Variants in FGFR4 observed in about 807,000 individuals in gnomAD.
FGFR4 encodes hydroxyaryl-protein kinase.
A neutral mutation model predicts 89.9 loss-of-function variants in FGFR4; 63 were observed. The observed-to-expected ratio is 0.70, with a 90% confidence interval of 0.57 to 0.86. FGFR4 has a LOEUF of 0.86. Among genes scored for constraint, FGFR4 ranks in the 40% least tolerant of loss-of-function variants. The pLI, the probability that FGFR4 is intolerant of heterozygous loss-of-function variation, is 0.00. For missense variants in FGFR4, 928 were observed against 1,106.7 expected (o/e 0.84, Z 2.29); for synonymous variants, 486 against 479.4 (o/e 1.01, Z -0.18).
Position 177,087,456 on chromosome 5 carries a change from C to T in FGFR4, c.-54+379C>T. ...CGGCAGAGATGAGGGACCTGAGGCC[C>T]CGAAAAGTTCAGTCACTTAGTGCCC... On this transcript the variant is annotated intron_variant, in intron 1 of 17. Transcript: ENST00000292408. This position sits in a 1 kb window ranked among gnomAD's most constrained non-coding sequence, Gnocchi z 6.1. 4.6e-6 allele frequency: 2 copies of T among 430,556 alleles called. No homozygotes were observed. The highest frequency in any genetic ancestry group is 6.2e-6 in the Non-Finnish European group (2 of 323,284). 26.7% of individuals were successfully genotyped at this position (430,556 alleles called of 1,614,324 possible). A position where few individuals can be genotyped will look rare whatever the true frequency, so the allele number is the denominator to read the frequency against.
At chr5:177,096,229 G>T (rs769369271) in intron 14 of FGFR4, 50 bp downstream of exon 14, 1 of 1,613,134 alleles carries the variant, frequency 6.2e-7, no homozygotes, top group South Asian at 1.1e-5. Context: ...CACTGGGCCC[G>T]GGGTGGCAGG....
In FGFR4 at chr5:177,095,671, TCTC is replaced by T; in HGVS notation, c.1772_1774del (p.Ser591del). 1 of 1,609,286 alleles carries T rather than the reference TCTC, an allele frequency of 6.2e-7. No individual in the cohort carries two copies. Among genetic ancestry groups the T allele is most frequent in the Non-Finnish European group, 8.5e-7 (1 of 1,178,972 alleles). On this transcript the variant is annotated inframe_deletion, in exon 13 of 18. Transcript: ENST00000292408. This position sits in a 1 kb window ranked among gnomAD's most constrained non-coding sequence, Gnocchi z 5.7. The stretch of plus-strand genomic sequence containing the variant: ...GGGCCGCTCTCCTTCCCAGTCCTGG[TCTC>T]CTGCGCCTACCAGGTGGCCCGAGGC...
At chr5:177,092,536 C>T in intron 7 of FGFR4, 25 bp downstream of exon 7, 4 of 1,563,646 alleles carry the variant, frequency 2.6e-6, no homozygotes, top group Non-Finnish European at 3.5e-6. Flanking sequence ...CTGCTGCAGC[C>T]TGGGCCCCAT....
chr5:177,093,147 C>A lies in FGFR4; in HGVS notation c.1067C>A (p.Pro356His). The A allele has an allele frequency of 6.2e-7, 1 of 1,614,100 alleles. No homozygotes were observed. Among genetic ancestry groups the A allele is most frequent in the Non-Finnish European group, 8.5e-7 (1 of 1,180,018 alleles). The stretch of plus-strand genomic sequence containing the variant: ...CCATGTGCGAGGGCAGAGGAGGACC[C>A]CACATGGACCGCAGCAGCGCCCGAG... Reference protein sequence around the residue: ...AWLTVLPEEDPTWTAAAPEAR... With the variant: ...AWLTVLPEEDHTWTAAAPEAR... The change falls in exon 9 of 18, where the codon CCC (proline) becomes CAC (histidine). Residue 356 changes from proline to histidine, a missense_variant. Transcript: ENST00000292408. The surrounding 1 kb of genome is among the most constrained non-coding windows in gnomAD (Gnocchi z 5.8).
Position 177,096,641 on chromosome 5 carries a change from C to T in FGFR4, c.2053C>T (p.Leu685Phe), listed in dbSNP as rs1274753663. The change falls in exon 16 of 18, where the codon CTC becomes TTC. Residue 685 changes from leucine (L) to phenylalanine (F), a missense_variant. By Grantham distance (22) the Leu-to-Phe change is conservative. This residue lies in a region of FGFR4 where 27 missense variants were observed against 64.4 expected (regional missense o/e 0.42). Transcript: ENST00000292408. ...FGILLWEIFT[L>F]GGSPYPGIPV... ...GATCCTGCTATGGGAGATCTTCACC[C>T]TCGGGGGCTCCCCGTATCCTGGCAT... The T allele has an allele frequency of 1.2e-6, 2 of 1,613,420 alleles. No homozygotes were observed. The highest frequency in any genetic ancestry group is 1.7e-4 in the Middle Eastern group (1 of 6,058).
chr5:177,094,081 T>C (rs1472915937), intron 11 of FGFR4, among the ~76,000 whole-genome samples: 1 of 151,672 alleles, frequency 6.6e-6, no homozygotes, highest in African/African-American at 2.4e-5. Context: ...AAAAAATAAA[T>C]AAATAAATAA....
rs979979470 is a variant in FGFR4, at chr5:177,089,684, G to C, written c.82G>C (p.Val28Leu). The change falls in exon 2 of 18, where the codon GTG becomes CTG. Residue 28 changes from valine (V) to leucine (L), a missense_variant. By Grantham distance (32) the Val-to-Leu change is conservative. This residue lies in a region of FGFR4 where 741 missense variants were observed against 836.9 expected (regional missense o/e 0.89). Coordinates refer to ENST00000292408, the MANE Select transcript of FGFR4 (RefSeq NM_213647.3). ...PVLSLEASEE[V>L]ELEPCLAPSL... ...CTTGTCCCTGGAGGCCTCTGAGGAA[G>C]TGGAGCTTGGTATGGCTTCTGAGGT... 3.1e-6 allele frequency: 5 copies of C among 1,613,790 alleles called. No individual in the cohort carries two copies. Among genetic ancestry groups the C allele is most frequent in the Non-Finnish European group, 4.2e-6 (5 of 1,179,950 alleles).
intron 1 of FGFR4, 100 bp from the exon 2 acceptor site, chr5:177,089,450 G>A (rs942193609): frequency 2.2e-5 from 30 of 1,350,258 alleles, no homozygotes; most frequent in East Asian, 2.0e-4. Context: ...GGACACATCT[G>A]CTGGCCACTT....
chr5:177,087,386 G>C lies in FGFR4; in HGVS notation c.-54+309G>C, dbSNP rs1784189746. 6.4e-6 allele frequency: 1 copy of C among 157,052 alleles called. No homozygotes were observed. Among genetic ancestry groups the C allele is most frequent in the Admixed American group, 6.5e-5 (1 of 15,296 alleles). 9.7% of individuals were successfully genotyped at this position (157,052 alleles called of 1,614,324 possible). On this transcript the variant is annotated intron_variant, in intron 1 of 17. Coordinates refer to ENST00000292408, the MANE Select transcript of FGFR4 (RefSeq NM_213647.3). This position sits in a 1 kb window ranked among gnomAD's most constrained non-coding sequence, Gnocchi z 6.1. ...CCCCCCAGGCTGGCCCGGCAAGGGT[G>C]GGGGAGGACAAGCGCGCTTGTCCCT...
rs1019001200 is a variant in FGFR4 at position 177,095,979 on chromosome 5, C to T, written c.1822-78C>T. The T allele has an allele frequency of 6.5e-7, 1 of 1,543,102 alleles. No individual in the cohort carries two copies. Among genetic ancestry groups the T allele is most frequent in the Non-Finnish European group, 8.7e-7 (1 of 1,145,076 alleles). On this transcript the variant is annotated intron_variant, in intron 13 of 17. Transcript: ENST00000292408. This position sits in a 1 kb window ranked among gnomAD's most constrained non-coding sequence, Gnocchi z 5.7. ...GTAAAGTGGGTGGAGGGCCCCTGCC[C>T]CCGGGCCTGCTGGGGGGTGGTGTGT...
At position 177,097,335 on chromosome 5, in the gene FGFR4, A is replaced by C. The variant is rs1418031480; in HGVS notation, c.2197A>C (p.Arg733=). ...GTGCTGGCACGCAGCGCCCTCCCAG[A>C]GGCCTACCTTCAAGCAGCTGGTGGA... ...RECWHAAPSQ[R]PTFKQLVEAL... Residue 733 remains arginine (R), a synonymous_variant, in exon 17 of 18, where the codon AGG becomes CGG. Transcript: ENST00000292408. The C allele has an allele frequency of 6.2e-7, 1 of 1,611,530 alleles. No individual in the cohort carries two copies. Among genetic ancestry groups the C allele is most frequent in the Non-Finnish European group, 8.5e-7 (1 of 1,179,236 alleles).
rs1289445624 is a variant in FGFR4, at chr5:177,091,709, G to A, written c.628G>A (p.Val210Met). The A allele has an allele frequency of 6.2e-6, 10 of 1,614,092 alleles. No homozygotes were observed. The highest frequency in any genetic ancestry group is 1.6e-4 in the Middle Eastern group (1 of 6,082). Residue 210 changes from valine (V) to methionine (M), a missense_variant, in exon 6 of 18, where the codon GTG (valine) becomes ATG (methionine). Physicochemically the swap from Val to Met is conservative, Grantham distance 21 (BLOSUM62 1). Coordinates refer to ENST00000292408, the MANE Select transcript of FGFR4 (RefSeq NM_213647.3). ...IRLRHQHWSL[V>M]MESVVPSDRG... ...GCTGCGCCATCAGCACTGGAGTCTC[G>A]TGATGGAGAGCGTGGTGCCCTCGGA... is the stretch of plus-strand genomic sequence containing the variant.
At position 177,093,200 on chromosome 5, in the gene FGFR4, GC is replaced by G; in HGVS notation, c.1121del (p.Ala374GlyfsTer77). Reference protein sequence around the residue: ...EARYTDIILYASGSLALAVLL... With the variant: ...EARYTDIILYXSGSLALAVLL... Reference sequence around the variant, plus strand: ...CAGGTATACGGACATCATCCTGTACGCGTCGGGCTCCCTGGCCTTGGCTGTG... The same window carrying G: ...CAGGTATACGGACATCATCCTGTACGGTCGGGCTCCCTGGCCTTGGCTGTG... On this transcript the variant is annotated frameshift_variant, in exon 9 of 18. Transcript: ENST00000292408. LOFTEE classifies it high-confidence loss of function. The surrounding 1 kb of genome is among the most constrained non-coding windows in gnomAD (Gnocchi z 5.8). 1 of 1,613,042 alleles carries G rather than the reference GC, an allele frequency of 6.2e-7. No individual in the cohort carries two copies. The highest frequency in any genetic ancestry group is 8.5e-7 in the Non-Finnish European group (1 of 1,179,138).
intron 6 of FGFR4, 36 bp from the exon 7 acceptor site, chr5:177,092,285 C>A (rs768292586): frequency 6.6e-7 from 1 of 1,508,600 alleles, no homozygotes; most frequent in Admixed American, 2.2e-5. Flanking sequence ...CTATGGGTGC[C>A]GGTGGTCAGG....
At chr5:177,091,207 C>T (rs1784357165) in intron 5 of FGFR4, 103 bp downstream of exon 5, 3 of 1,413,722 alleles carry the variant, frequency 2.1e-6, no homozygotes, top group East Asian at 2.5e-5. Flanking sequence ...ATGAGTGAAG[C>T]GATTGCGGGG....
rs375070337 is a variant in FGFR4 at position 177,093,498 on chromosome 5, C to G, written c.1344C>G (p.Gly448=). 1.3e-5 allele frequency: 21 copies of G among 1,613,838 alleles called. No homozygotes were observed. The Middle Eastern group carries it at 4.9e-4, about 38-fold the overall frequency. Residue 448 remains glycine (G), a synonymous_variant, in exon 10 of 18, where the codon GGC becomes GGG. Coordinates refer to ENST00000292408, the MANE Select transcript of FGFR4 (RefSeq NM_213647.3). The surrounding 1 kb of genome is among the most constrained non-coding windows in gnomAD (Gnocchi z 5.8). ...CCAGCGGCCCCGCCTTGCTCGCCGG[C>G]CTCGTGAGTCTAGATCTACCTCTCG... ...LSSSGPALLA[G]LVSLDLPLDP...
rs1198345497 is a variant in FGFR4 at position 177,087,781 on chromosome 5, C to G, written c.-54+704C>G. 3 of 284,078 alleles carry G rather than the reference C, an allele frequency of 1.1e-5. No homozygotes were observed. Among genetic ancestry groups the G allele is most frequent in the Non-Finnish European group, 1.5e-5 (3 of 197,002 alleles). The allele number at this position is 284,078 out of a possible 1,614,324, so 17.6% of individuals were successfully genotyped here. ...TTCGAGAGTTGAGGTGGGCCAGAGA[C>G]AGCAGTATCTGAGTCAGGTAGAGAA... On this transcript the variant is annotated intron_variant, in intron 1 of 17. Coordinates refer to ENST00000292408, the MANE Select transcript of FGFR4 (RefSeq NM_213647.3). This position sits in a 1 kb window ranked among gnomAD's most constrained non-coding sequence, Gnocchi z 6.1.
chr5:177,093,703 C>A lies in FGFR4; in HGVS notation c.1447C>A (p.Arg483Ser). The change falls in exon 11 of 18, where the codon CGT (arginine) becomes AGT (serine). Residue 483 changes from arginine to serine, a missense_variant. Physicochemically the swap from Arg to Ser is moderately radical, Grantham distance 110. This residue lies in a region of FGFR4 where 741 missense variants were observed against 836.9 expected (regional missense o/e 0.89). Coordinates refer to ENST00000292408, the MANE Select transcript of FGFR4 (RefSeq NM_213647.3). This position sits in a 1 kb window ranked among gnomAD's most constrained non-coding sequence, Gnocchi z 5.8. ...CGAGGGCTGCTTTGGCCAGGTAGTA[C>A]GTGCAGAGGCCTTTGGCATGGACCC... ...LGEGCFGQVVRAEAFGMDPAR... is the reference protein window; with the variant it reads ...LGEGCFGQVVSAEAFGMDPAR... 1 of 1,614,202 alleles carries A rather than the reference C, an allele frequency of 6.2e-7. No homozygotes were observed. The highest frequency in any genetic ancestry group is 8.5e-7 in the Non-Finnish European group (1 of 1,180,040).
chr5:177,093,099 C>T lies in FGFR4; in HGVS notation c.1058-39C>T. On this transcript the variant is annotated intron_variant, in intron 8 of 17. Transcript: ENST00000292408. The surrounding 1 kb of genome is among the most constrained non-coding windows in gnomAD (Gnocchi z 5.8). ...ACGGGGCGGCCAGTCTCACCACTGACCAGTTTGTCTGTCTGTGTGTGTCCA... is the reference window on the plus strand; with the variant it reads ...ACGGGGCGGCCAGTCTCACCACTGATCAGTTTGTCTGTCTGTGTGTGTCCA... The T allele has an allele frequency of 6.2e-7, 1 of 1,613,352 alleles. No homozygotes were observed. Among genetic ancestry groups the T allele is most frequent in the Non-Finnish European group, 8.5e-7 (1 of 1,179,530 alleles).
Sources: allele counts gnomAD v4.1 joint callset (sites outside exome capture counted in the v4.1 genomes callset), GRCh38; gene constraint gnomAD v4.1.1; regional missense constraint gnomAD v4.1.1; non-coding constraint Gnocchi (gnomAD v3.1); transcripts MANE v1.5; gene names NCBI Gene and HGNC (gene_info 2026-07-23, HGNC 2026-07-21).